The following DLAT variants were observed in gnomAD, a reference collection of about 807,000 sequenced individuals.
DLAT encodes the protein dihydrolipoyllysine-residue acetyltransferase component of pyruvate dehydrogenase complex, mitochondrial.
Under a neutral mutation model 68.0 loss-of-function variants are expected in DLAT, and 43 were observed. That is an observed-to-expected ratio of 0.63 (90% CI 0.50 to 0.81). DLAT has a LOEUF of 0.81. Among genes scored for constraint, DLAT ranks in the 40% least tolerant of loss-of-function variants. DLAT has a pLI of 0.00. For missense variants in DLAT, 745 were observed against 815.4 expected, an observed-to-expected ratio of 0.91 and a Z score of 1.05; for synonymous variants, 265 against 288.6, an observed-to-expected ratio of 0.92 and a Z score of 0.83.
intron 13 of DLAT, 35 bp downstream of exon 13, chr11:112,061,209 AT>A (rs1555183237): frequency 6.2e-7 from 1 of 1,612,032 alleles, no homozygotes; most frequent in African/African-American, 1.3e-5. Flanking sequence ...TCGTAAGCTA[AT>A]TTTTATTACA....
intron 6 of DLAT, among the ~76,000 whole-genome samples, chr11:112,038,081 T>A (rs894518579): frequency 6.6e-6 from 1 of 152,246 alleles, no homozygotes; most frequent in Admixed American, 6.5e-5. Context: ...CTTCAGTGAT[T>A]CTCACAGATG....
chr11:112,027,893 A>AGAGAGGGAGAGGGAGAGGGAGACCGTGGG (rs201205994), intron 2 of DLAT, among the ~76,000 whole-genome samples: 1 of 150,172 alleles, frequency 6.7e-6, no homozygotes, highest in African/African-American at 2.4e-5. Context: ...GACCGTGGAA[A>AGAGAGGGAGAGGGAGAGGGAGACCGTGGG]GAGAGGGAGA....
intron 10 of DLAT, among the ~76,000 whole-genome samples, chr11:112,049,556 T>A (rs1439029293): frequency 6.6e-6 from 1 of 152,066 alleles, no homozygotes; most frequent in Admixed American, 6.5e-5. Context: ...ATTGCTACTA[T>A]ATAAAGGTAT....
intron 2 of DLAT, 24 bp downstream of exon 2, chr11:112,026,323 A>G (rs1237540950): frequency 1.6e-5 from 17 of 1,095,114 alleles, no homozygotes; most frequent in Non-Finnish European, 2.1e-5. Flanking sequence ...TTTTTTTTTA[A>G]TTAATTTATT....
intron 7 of DLAT, among the ~76,000 whole-genome samples, chr11:112,042,298 T>C (rs1470538559): frequency 6.6e-6 from 1 of 152,188 alleles, no homozygotes; most frequent in Non-Finnish European, 1.5e-5. Context: ...TGGCTGAAGC[T>C]TAGCATAAGG....
At chr11:112,049,867 C>T (rs587687069) in intron 10 of DLAT, among the ~76,000 whole-genome samples, 1 of 152,156 alleles carries the variant, frequency 6.6e-6, no homozygotes, top group African/African-American at 2.4e-5. Flanking sequence ...TTCATTTTGA[C>T]CTGTATGCCT....
intron 6 of DLAT, among the ~76,000 whole-genome samples, chr11:112,038,807 C>G (rs1862902804): frequency 6.6e-6 from 1 of 151,096 alleles, no homozygotes; most frequent in East Asian, 2.0e-4. Flanking sequence ...GTTTGCGCCA[C>G]TGCACTCCAG....
chr11:112,056,465 T>C (rs1167481775), intron 11 of DLAT, among the ~76,000 whole-genome samples: 1 of 152,260 alleles, frequency 6.6e-6, no homozygotes, highest in African/African-American at 2.4e-5. Context: ...ATCTACTTTC[T>C]TTCACTTAAC....
At position 112,025,712 on chromosome 11, in the gene DLAT, G is replaced by A. The variant is rs587735788; in HGVS notation, c.240G>A (p.Ser80=). Residue 80 remains serine, a synonymous_variant, in exon 1 of 14, where the codon TCG becomes TCA. Transcript: ENST00000280346. ...GCTTACTGCTGCAGCTTTTGGGGTCGCCCGGCCGCCGCTATTACAGTCTTC... is the reference window on the plus strand; with the variant it reads ...GCTTACTGCTGCAGCTTTTGGGGTCACCCGGCCGCCGCTATTACAGTCTTC... The part of the protein sequence containing the change: ...RNRLLLQLLG[S]PGRRYYSLPP... 2.2e-5 allele frequency: 36 copies of A among 1,612,778 alleles called. No individual in the cohort carries two copies. Among genetic ancestry groups the A allele is most frequent in the South Asian group, 2.1e-4 (19 of 91,070 alleles).
chr11:112,045,805 TA>T, intron 9 of DLAT, 57 bp from the exon 10 acceptor site: 1 of 1,067,970 alleles, frequency 9.4e-7, no homozygotes, highest in Non-Finnish European at 1.4e-6. Flanking sequence ...AACAGAGCCC[TA>T]AATTAGTTAA....
intron 8 of DLAT, 91 bp downstream of exon 8, chr11:112,043,624 A>C: frequency 8.9e-7 from 1 of 1,120,322 alleles, no homozygotes; most frequent in Non-Finnish European, 1.4e-6. Context: ...AAATAGCTCA[A>C]CCAAGATTGT....
At chr11:112,054,052 T>C (rs1186363717) in intron 11 of DLAT, among the ~76,000 whole-genome samples, 1 of 151,784 alleles carries the variant, frequency 6.6e-6, no homozygotes, top group African/African-American at 2.4e-5. Context: ...CTCACACCTG[T>C]AATCCCAGCA....
At chr11:112,030,619 G>A (rs1862341876) in intron 4 of DLAT, among the ~76,000 whole-genome samples, 1 of 152,208 alleles carries the variant, frequency 6.6e-6, no homozygotes, top group Admixed American at 6.5e-5. Context: ...CAAAGTTGAA[G>A]GCAGTGAATG....
At chr11:112,036,197 GTGTGTTTTTTTTTTTT>G (rs1862748087) in intron 5 of DLAT, among the ~76,000 whole-genome samples, 3 of 59,566 alleles carry the variant, frequency 5.0e-5, no homozygotes, top group Non-Finnish European at 6.5e-5. Context: ...GTGTGTGTGT[GTGTGTTTTTTTTTTTT>G]TTTTTTTTTT....
chr11:112,044,332 C>A (rs1863200461), intron 8 of DLAT, among the ~76,000 whole-genome samples: 1 of 152,070 alleles, frequency 6.6e-6, no homozygotes, highest in Non-Finnish European at 1.5e-5. Flanking sequence ...GTGGCTGGGA[C>A]TACAGGTGCA....
chr11:112,033,002 T>G (rs1339769394), intron 4 of DLAT, among the ~76,000 whole-genome samples: 2 of 152,102 alleles, frequency 1.3e-5, no homozygotes, highest in Non-Finnish European at 2.9e-5. Context: ...AGGTGGAGGT[T>G]GCAGTGAGCC....
chr11:112,050,809 A>G (rs1345067863), intron 10 of DLAT, among the ~76,000 whole-genome samples: 1 of 152,232 alleles, frequency 6.6e-6, no homozygotes, highest in African/African-American at 2.4e-5. Context: ...GTTGAGATGA[A>G]TGAAAATGAT....
At chr11:112,056,905 A>G (rs782727461) in intron 11 of DLAT, among the ~76,000 whole-genome samples, 10 of 152,034 alleles carry the variant, frequency 6.6e-5, no homozygotes, top group Non-Finnish European at 1.0e-4. Context: ...ACTTTGATTT[A>G]TTGTGCTTTT....
chr11:112,062,049 C>T (rs782638415), intron 13 of DLAT, among the ~76,000 whole-genome samples: 1 of 151,944 alleles, frequency 6.6e-6, no homozygotes, highest in African/African-American at 2.4e-5. Context: ...AGTCAGCATG[C>T]TTTTTTTTAG....
Sources: gnomAD v4.1 joint callset for allele counts (sites outside exome capture counted in the v4.1 genomes callset) on GRCh38, gnomAD v4.1.1 for gene constraint, MANE v1.5 for transcripts, NCBI Gene and HGNC (gene_info 2026-07-23, HGNC 2026-07-21) for gene names.